Variants in GOLM2 observed in about 807,000 individuals in gnomAD.
GOLM2 encodes golgi membrane protein 2.
GOLM2 carries 26 observed loss-of-function variants against 55.9 expected under a neutral mutation model. That is an observed-to-expected ratio of 0.47 (90% CI 0.34 to 0.65). GOLM2 has a LOEUF of 0.65. Ranked by LOEUF, GOLM2 falls within the 30% of genes least tolerant of loss-of-function variation. GOLM2 has a pLI of 0.01. For synonymous variants in GOLM2, 165 were observed against 194.6 expected (o/e 0.85, Z 1.27); for missense variants, 486 against 531.8 (o/e 0.91, Z 0.85).
intron 8 of GOLM2, among the ~76,000 whole-genome samples, chr15:44,395,579 T>C (rs1016814513): frequency 9.9e-5 from 15 of 152,078 alleles, no homozygotes; most frequent in South Asian, 2.1e-4. Context: ...CGGTGGCTAA[T>C]GCCTGTAATT....
At chr15:44,296,577 T>C (rs998385723) in intron 1 of GOLM2, among the ~76,000 whole-genome samples, 1 of 152,086 alleles carries the variant, frequency 6.6e-6, no homozygotes, top group Non-Finnish European at 1.5e-5. Flanking sequence ...TCTTGAGAGG[T>C]TTGAGTAAAT....
intron 8 of GOLM2, among the ~76,000 whole-genome samples, chr15:44,401,303 C>T (rs1251190806): frequency 6.6e-6 from 1 of 151,830 alleles, no homozygotes; most frequent in Non-Finnish European, 1.5e-5. Flanking sequence ...CTCACTCTGT[C>T]ACCCAGGCTG....
intron 6 of GOLM2, among the ~76,000 whole-genome samples, chr15:44,366,096 G>A (rs2079281828): frequency 6.6e-6 from 1 of 151,810 alleles, no homozygotes; most frequent in South Asian, 2.1e-4. Context: ...AGGAGATCGC[G>A]ACCACCCTGG....
intron 9 of GOLM2, among the ~76,000 whole-genome samples, chr15:44,412,889 G>C (rs1049339100): frequency 4.6e-5 from 7 of 151,960 alleles, no homozygotes; most frequent in Non-Finnish European, 2.9e-5. Flanking sequence ...TGTAGTGCCA[G>C]CTACTTGGGA....
chr15:44,361,772 C>A (rs956052456), intron 6 of GOLM2, among the ~76,000 whole-genome samples: 33 of 152,178 alleles, frequency 2.2e-4, no homozygotes, highest in Non-Finnish European at 1.9e-4. Context: ...AATATCCTTG[C>A]TGAACATCGA....
chr15:44,307,200 A>G (rs1441172129), intron 1 of GOLM2: 1 of 154,118 alleles, frequency 6.5e-6, no homozygotes, highest in Non-Finnish European at 1.5e-5. Flanking sequence ...GGAAACTAAC[A>G]TGATACTAAT....
At chr15:44,337,123 A>G (rs540693494) in intron 4 of GOLM2, among the ~76,000 whole-genome samples, 1 of 151,984 alleles carries the variant, frequency 6.6e-6, no homozygotes, top group Admixed American at 6.6e-5. Flanking sequence ...GCTGCTCCCA[A>G]TTTTCCATGG....
At position 44,414,591 on chromosome 15, in the gene GOLM2, C is replaced by T. The variant is rs1361806464; in HGVS notation, c.*1185C>T. ...TTAAATCTACTTTGAAATGAATCTG[C>T]AATCAGTATTTCAAAGCTTTTCTGG... On this transcript the variant is annotated 3_prime_UTR_variant, in exon 10 of 10. Coordinates refer to ENST00000299957, the MANE Select transcript of GOLM2 (RefSeq NM_138423.4). 3 of 152,274 alleles carry T rather than the reference C, an allele frequency of 2.0e-5. No individual in the cohort carries two copies. The highest frequency in any genetic ancestry group is 2.9e-5 in the Non-Finnish European group (2 of 68,016). The allele number at this position is 152,274 out of a possible 1,614,324, so 9.4% of individuals were successfully genotyped here.
intron 2 of GOLM2, among the ~76,000 whole-genome samples, chr15:44,327,934 A>G (rs558258273): frequency 1.5e-4 from 23 of 152,254 alleles, no homozygotes; most frequent in Non-Finnish European, 1.2e-4. Flanking sequence ...CCATAGCCGA[A>G]CTAGAAATGT....
intron 6 of GOLM2, among the ~76,000 whole-genome samples, chr15:44,338,599 T>TATA (rs1436987726): frequency 6.6e-6 from 1 of 152,218 alleles, no homozygotes; most frequent in African/African-American, 2.4e-5. Context: ...AGTTGTACTA[T>TATA]ATAGAGTCAT....
intron 8 of GOLM2, among the ~76,000 whole-genome samples, chr15:44,389,034 G>A (rs555727625): frequency 1.3e-5 from 2 of 151,998 alleles, no homozygotes; most frequent in South Asian, 4.2e-4. Context: ...AGCCAGGATA[G>A]TCTTGATCTC....
intron 4 of GOLM2, among the ~76,000 whole-genome samples, chr15:44,336,789 A>G (rs943283339): frequency 1.3e-5 from 2 of 151,940 alleles, no homozygotes; most frequent in African/African-American, 2.4e-5. Context: ...GGTGGTGGGC[A>G]CCTGTAGTCC....
intron 3 of GOLM2, among the ~76,000 whole-genome samples, chr15:44,329,858 T>TG: frequency 6.7e-6 from 1 of 150,298 alleles, no homozygotes; most frequent in South Asian, 2.1e-4. Context: ...GCCATGATGA[T>TG]GCCACTACAC....
chr15:44,367,521 C>G (rs1046876630), intron 6 of GOLM2, among the ~76,000 whole-genome samples: 1 of 151,880 alleles, frequency 6.6e-6, no homozygotes, highest in Non-Finnish European at 1.5e-5. Context: ...TCCGGCGGGG[C>G]GCAGTGGCTC....
At chr15:44,326,886 A>G (rs1467989733) in intron 2 of GOLM2, among the ~76,000 whole-genome samples, 2 of 150,006 alleles carry the variant, frequency 1.3e-5, no homozygotes, top group African/African-American at 4.9e-5. Flanking sequence ...TCCTGGCCTC[A>G]TGTGATCCAC....
chr15:44,295,141 G>A (rs1019347324), intron 1 of GOLM2, among the ~76,000 whole-genome samples: 2 of 150,406 alleles, frequency 1.3e-5, no homozygotes, highest in African/African-American at 4.9e-5. Context: ...GCGCAGTGGC[G>A]CAGTCTCAGC....
At chr15:44,372,945 C>T (rs1247447023) in intron 6 of GOLM2, among the ~76,000 whole-genome samples, 1 of 152,134 alleles carries the variant, frequency 6.6e-6, no homozygotes, top group Non-Finnish European at 1.5e-5. Flanking sequence ...TCAAATGATT[C>T]CTCCTCAAAA....
intron 1 of GOLM2, among the ~76,000 whole-genome samples, chr15:44,298,483 C>T (rs989575743): frequency 1.5e-4 from 23 of 148,854 alleles, no homozygotes; most frequent in African/African-American, 5.7e-4. Context: ...ACCACATTGG[C>T]CAGGCTGGTC....
At chr15:44,369,786 A>C (rs1419019577) in intron 6 of GOLM2, among the ~76,000 whole-genome samples, 1 of 152,004 alleles carries the variant, frequency 6.6e-6, no homozygotes, top group Non-Finnish European at 1.5e-5. Flanking sequence ...GCAAGACTCC[A>C]TCTTAAATAA....
Sources: gnomAD v4.1 joint callset for allele counts (sites outside exome capture counted in the v4.1 genomes callset) on GRCh38, gnomAD v4.1.1 for gene constraint, MANE v1.5 for transcripts, NCBI Gene and HGNC (gene_info 2026-07-23, HGNC 2026-07-21) for gene names.